DGLUCY: variants seen among roughly 807,000 people sequenced by gnomAD.
The protein encoded by DGLUCY is D-glutamate cyclase, mitochondrial.
In DGLUCY, 58 loss-of-function variants were observed where a neutral mutation model predicts 58.5. That is an observed-to-expected ratio of 0.99 (90% CI 0.80 to 1.23). The LOEUF (loss-of-function observed/expected upper bound fraction) is 1.23, where lower values mean the gene tolerates loss of function less well. Ranked by LOEUF, DGLUCY falls within the 50% of genes most tolerant of loss-of-function variation. The pLI is 0.00. For missense variants in DGLUCY, 779 were observed against 784.7 expected (o/e 0.99, Z 0.09); for synonymous variants, 325 against 314.1 (o/e 1.03, Z -0.37).
rs747230488 is a variant in DGLUCY, at chr14:91,173,413, G to A, written c.581G>A (p.Gly194Glu). ...RACCSLGGEQ[G>E]QPVHMGDPEL... ...TGCTGCTCCCTCGGAGGTGAGCAGG[G>A]GCAACCTGTTCACATGGGCGACCCA... Residue 194 changes from glycine (G) to glutamate (E), a missense_variant, in exon 6 of 14, where the codon GGG (glycine) becomes GAG (glutamate). By Grantham distance (98) the Gly-to-Glu change is moderately conservative (BLOSUM62 -2). Coordinates refer to ENST00000256324, the MANE Select transcript of DGLUCY (RefSeq NM_001102368.3). 1.9e-6 allele frequency: 3 copies of A among 1,608,132 alleles called. No homozygotes were observed. The highest frequency in any genetic ancestry group is 2.5e-6 in the Non-Finnish European group (3 of 1,178,372).
intron 1 of DGLUCY, among the ~76,000 whole-genome samples, chr14:91,064,622 CAAAA>C (rs35830145): frequency 1.7e-5 from 1 of 57,616 alleles, no homozygotes. Flanking sequence ...GACTCTGTCT[CAAAA>C]AAAAAAAAAA....
At chr14:91,166,416 G>A (rs1247844884) in intron 3 of DGLUCY, among the ~76,000 whole-genome samples, 3 of 152,188 alleles carry the variant, frequency 2.0e-5, no homozygotes, top group Non-Finnish European at 4.4e-5. Flanking sequence ...TGTAAGCCCA[G>A]CACTTTGGGA....
chr14:91,146,072 C>T (rs1457650097), intron 1 of DGLUCY, among the ~76,000 whole-genome samples: 3 of 152,118 alleles, frequency 2.0e-5, no homozygotes, highest in Non-Finnish European at 2.9e-5. Flanking sequence ...AGGGTCTCAC[C>T]ATGTTGCTCA....
intron 1 of DGLUCY, among the ~76,000 whole-genome samples, chr14:91,140,957 G>T (rs1033966288): frequency 3.3e-5 from 5 of 152,178 alleles, no homozygotes; most frequent in African/African-American, 1.2e-4. Context: ...AAACCTTCAG[G>T]TCTGATTGCT....
chr14:91,203,425 C>T (rs2050691959), intron 11 of DGLUCY, among the ~76,000 whole-genome samples: 1 of 152,218 alleles, frequency 6.6e-6, no homozygotes, highest in Non-Finnish European at 1.5e-5. Flanking sequence ...TTTATAGAAG[C>T]AGACACAAAA....
chr14:91,206,348 T>A (rs1884702179), intron 12 of DGLUCY, among the ~76,000 whole-genome samples: 1 of 152,006 alleles, frequency 6.6e-6, no homozygotes, highest in Admixed American at 6.6e-5. Flanking sequence ...CGACACATCT[T>A]ACCACCATCA....
chr14:91,134,252 A>G (rs2046197109), intron 1 of DGLUCY, among the ~76,000 whole-genome samples: 1 of 152,222 alleles, frequency 6.6e-6, no homozygotes, highest in Non-Finnish European at 1.5e-5. Context: ...GAGAACAGAT[A>G]TATTTACAAC....
intron 9 of DGLUCY, among the ~76,000 whole-genome samples, chr14:91,192,183 G>A (rs2140519811): frequency 6.6e-6 from 1 of 152,248 alleles, no homozygotes; most frequent in South Asian, 2.1e-4. Flanking sequence ...CCTTAAAAAG[G>A]CAGGAAGTTC....
At chr14:91,219,179 C>CA (rs56023008) in intron 13 of DGLUCY, among the ~76,000 whole-genome samples, 17 of 137,024 alleles carry the variant, frequency 1.2e-4, no homozygotes, top group Admixed American at 2.2e-4. Flanking sequence ...GGCTCTGTCT[C>CA]AAAAAAAAAA....
chr14:91,158,582 C>A (rs141083073), intron 2 of DGLUCY, among the ~76,000 whole-genome samples: 1 of 152,252 alleles, frequency 6.6e-6, no homozygotes, highest in African/African-American at 2.4e-5. Context: ...CCACTGAGTT[C>A]TTCTCTTTAG....
chr14:91,067,857 A>T (rs1394061823), intron 1 of DGLUCY, among the ~76,000 whole-genome samples: 3 of 151,938 alleles, frequency 2.0e-5, no homozygotes, highest in African/African-American at 7.3e-5. Context: ...GCCCATTATC[A>T]ATATCTTAAT....
chr14:91,156,411 G>A (rs899254971), intron 1 of DGLUCY, among the ~76,000 whole-genome samples: 3 of 152,200 alleles, frequency 2.0e-5, no homozygotes, highest in Non-Finnish European at 4.4e-5. Flanking sequence ...ACTGTGCCCG[G>A]CCTGTTTCTA....
At chr14:91,132,656 T>A (rs1475400114) in intron 1 of DGLUCY, among the ~76,000 whole-genome samples, 3 of 151,936 alleles carry the variant, frequency 2.0e-5, no homozygotes, top group African/African-American at 7.3e-5. Flanking sequence ...TTTTTGTGTT[T>A]TAGTAGAAAT....
chr14:91,207,161 G>GAAA (rs56355078), intron 12 of DGLUCY, among the ~76,000 whole-genome samples: 6 of 85,326 alleles, frequency 7.0e-5, no homozygotes, highest in African/African-American at 1.9e-4. Flanking sequence ...ACTGTCTCAG[G>GAAA]AAAAAAAAAA....
intron 3 of DGLUCY, among the ~76,000 whole-genome samples, chr14:91,163,433 T>C (rs1334942358): frequency 6.6e-6 from 1 of 152,176 alleles, no homozygotes; most frequent in Non-Finnish European, 1.5e-5. Context: ...TTCCTTGGGC[T>C]TTCGGCAGCT....
chr14:91,157,119 G>GGGTGGA (rs1393896750), intron 1 of DGLUCY, among the ~76,000 whole-genome samples: 2 of 131,164 alleles, frequency 1.5e-5, no homozygotes, highest in East Asian at 2.3e-4. Context: ...GGATGGATGG[G>GGGTGGA]TGGATGGATG....
intron 1 of DGLUCY, among the ~76,000 whole-genome samples, chr14:91,077,572 T>G (rs1441255325): frequency 6.6e-6 from 1 of 151,498 alleles, no homozygotes; most frequent in African/African-American, 2.4e-5. Flanking sequence ...GCCAACATGG[T>G]GAAACCCCGT....
chr14:91,112,451 G>GCT (rs2044721209), upstream of DGLUCY, among the ~76,000 whole-genome samples: 1 of 152,154 alleles, frequency 6.6e-6, no homozygotes, highest in African/African-American at 2.4e-5. Context: ...GTGATGGGTA[G>GCT]CTGTGGTCAT....
At chr14:91,149,104 A>T (rs2047167603) in intron 1 of DGLUCY, among the ~76,000 whole-genome samples, 1 of 151,896 alleles carries the variant, frequency 6.6e-6, no homozygotes, top group Non-Finnish European at 1.5e-5. Context: ...AAAATTAGCC[A>T]GGCGTGGTGG....
Sources: gnomAD v4.1 joint callset for allele counts (sites outside exome capture counted in the v4.1 genomes callset) on GRCh38, gnomAD v4.1.1 for gene constraint, MANE v1.5 for transcripts, NCBI Gene and HGNC (gene_info 2026-07-23, HGNC 2026-07-21) for gene names.